Variants in AUTS2 observed in about 807,000 individuals in gnomAD.
AUTS2 encodes activator of transcription and developmental regulator AUTS2, also known as autism susceptibility gene 2 protein.
Under a neutral mutation model 112.4 loss-of-function variants are expected in AUTS2, and 17 were observed. The observed-to-expected ratio is 0.15, with a 90% CI of 0.10 to 0.23. The LOEUF (loss-of-function observed/expected upper bound fraction) is 0.23. Ranked by LOEUF, AUTS2 falls within the 10% of genes least tolerant of loss-of-function variation. The pLI is 1.00. For missense variants in AUTS2, 1,510 were observed against 1,701.6 expected (o/e 0.89, Z 1.98); for synonymous variants, 751 against 702.7 (o/e 1.07, Z -1.09).
At chr7:69,992,554 TGAATGTTTGAAAAGAAGCATGGGCCAG>T (rs1798781415) in intron 2 of AUTS2, among the ~76,000 whole-genome samples, 1 of 152,140 alleles carries the variant, frequency 6.6e-6, no homozygotes, top group Admixed American at 6.5e-5. Flanking sequence ...GAGAAGGTTT[TGAATGTTTGAAAAGAAGCATGGGCCAG>T]GTGTAGTGGC....
chr7:70,563,961 C>T (rs541987060), intron 5 of AUTS2, among the ~76,000 whole-genome samples: 1 of 152,210 alleles, frequency 6.6e-6, no homozygotes, highest in Non-Finnish European at 1.5e-5. Context: ...GAAATAAGCC[C>T]CTTTTCTGGA....
intron 4 of AUTS2, among the ~76,000 whole-genome samples, chr7:70,140,602 T>C (rs925633983): frequency 6.6e-6 from 1 of 152,188 alleles, no homozygotes. Flanking sequence ...AAGTGTTCAT[T>C]CATCACCTGT....
intron 6 of AUTS2, among the ~76,000 whole-genome samples, chr7:70,707,853 T>G (rs1444834853): frequency 1.3e-5 from 2 of 152,144 alleles, no homozygotes; most frequent in Non-Finnish European, 2.9e-5. Flanking sequence ...ATTTAGGAAT[T>G]TCAAGCAGGG....
intron 5 of AUTS2, among the ~76,000 whole-genome samples, chr7:70,593,530 T>C (rs1803049270): frequency 1.3e-5 from 2 of 152,028 alleles, no homozygotes; most frequent in Admixed American, 1.3e-4. Context: ...ATTTCAGTGA[T>C]GTCCGAGGCC....
At chr7:69,800,371 G>A (rs1790030119) in intron 1 of AUTS2, among the ~76,000 whole-genome samples, 1 of 152,152 alleles carries the variant, frequency 6.6e-6, no homozygotes, top group South Asian at 2.1e-4. Flanking sequence ...CGGTTGAGCT[G>A]GTAGAAATGG....
At chr7:70,588,942 C>G (rs1236775920) in intron 5 of AUTS2, among the ~76,000 whole-genome samples, 1 of 152,120 alleles carries the variant, frequency 6.6e-6, no homozygotes, top group African/African-American at 2.4e-5. Context: ...GAAACCCTTC[C>G]ATTCTGAGAT....
chr7:70,539,456 T>G (rs1800455823), intron 5 of AUTS2, among the ~76,000 whole-genome samples: 1 of 152,184 alleles, frequency 6.6e-6, no homozygotes, highest in Non-Finnish European at 1.5e-5. Flanking sequence ...TTACACAGAC[T>G]GTGCTGTGCT....
At chr7:70,661,117 A>T (rs1176379615) in intron 5 of AUTS2, among the ~76,000 whole-genome samples, 1 of 151,700 alleles carries the variant, frequency 6.6e-6, no homozygotes, top group Non-Finnish European at 1.5e-5. Flanking sequence ...CGGCATTTGA[A>T]TGGAGATTAG....
chr7:70,637,360 G>A (rs997269021), intron 5 of AUTS2, among the ~76,000 whole-genome samples: 27 of 152,288 alleles, frequency 1.8e-4, no homozygotes, highest in African/African-American at 6.0e-4. Context: ...AGTACGTTGC[G>A]TATATACCAC....
chr7:69,883,375 CT>C (rs1368507557), intron 1 of AUTS2, among the ~76,000 whole-genome samples: 6 of 150,406 alleles, frequency 4.0e-5, no homozygotes, highest in Non-Finnish European at 2.9e-5. Flanking sequence ...CTCATTGGTG[CT>C]GTAAGGTTAG....
chr7:70,554,985 A>G (rs1448354745), intron 5 of AUTS2, among the ~76,000 whole-genome samples: 6 of 152,182 alleles, frequency 3.9e-5, no homozygotes, highest in East Asian at 1.9e-4. Flanking sequence ...AATTCAGCAA[A>G]TATTCCCTGG....
chr7:70,148,141 G>C (rs1045822740), intron 4 of AUTS2, among the ~76,000 whole-genome samples: 6 of 151,986 alleles, frequency 3.9e-5, no homozygotes, highest in African/African-American at 1.4e-4. Flanking sequence ...AGATCTTCAA[G>C]ATTTTTCATA....
intron 4 of AUTS2, among the ~76,000 whole-genome samples, chr7:70,405,868 G>A (rs1038411362): frequency 2.0e-5 from 3 of 152,160 alleles, no homozygotes; most frequent in African/African-American, 7.2e-5. Context: ...AATAGGTAGG[G>A]GATGCTTTTA....
At chr7:70,574,031 C>T (rs1446402473) in intron 5 of AUTS2, among the ~76,000 whole-genome samples, 3 of 152,112 alleles carry the variant, frequency 2.0e-5, no homozygotes, top group Non-Finnish European at 4.4e-5. Flanking sequence ...GGGGAGAGGT[C>T]ATGCTTCTAC....
At chr7:69,715,963 T>A (rs1198882231) in intron 1 of AUTS2, among the ~76,000 whole-genome samples, 1 of 152,178 alleles carries the variant, frequency 6.6e-6, no homozygotes, top group Non-Finnish European at 1.5e-5. Flanking sequence ...ACCCAGGCAG[T>A]CTGGCTATAG....
In AUTS2 at chr7:70,580,629, A is replaced by G. The variant is rs137937271; in HGVS notation, c.691-117940A>G. Among the ~76,000 whole-genome samples, 669 of 152,210 alleles carry G rather than the reference A, an allele frequency of 4.4e-3. 7 individuals carry two copies. The highest frequency in any genetic ancestry group is 0.015 in the African/African-American group (624 of 41,532). On this transcript the variant is annotated intron_variant, in intron 5 of 18. Transcript: ENST00000342771. ...AACCTTTTTCTCTTGAGCTGAACAC[A>G]CCAGACTCCCTGCAGAATTGCTTGG...
intron 2 of AUTS2, among the ~76,000 whole-genome samples, chr7:69,963,418 T>G (rs528476687): frequency 2.5e-4 from 38 of 152,274 alleles, no homozygotes; most frequent in African/African-American, 9.1e-4. Flanking sequence ...TGGTGTCCTC[T>G]CTGGTCCTCT....
At chr7:69,987,502 T>A (rs888945740) in intron 2 of AUTS2, among the ~76,000 whole-genome samples, 3 of 152,216 alleles carry the variant, frequency 2.0e-5, no homozygotes, top group African/African-American at 7.2e-5. Context: ...TCTTGCTATA[T>A]TTCCCAGGCT....
chr7:70,250,986 C>G (rs1009841527), intron 4 of AUTS2, among the ~76,000 whole-genome samples: 12 of 152,146 alleles, frequency 7.9e-5, no homozygotes, highest in Non-Finnish European at 1.8e-4. Flanking sequence ...TATAACAAAC[C>G]TGCACATGTA....
Sources: gnomAD v4.1 joint callset for allele counts (sites outside exome capture counted in the v4.1 genomes callset) on GRCh38, gnomAD v4.1.1 for gene constraint, MANE v1.5 for transcripts, NCBI Gene and HGNC (gene_info 2026-07-23, HGNC 2026-07-21) for gene names.